Variants in KAZN observed in about 807,000 individuals in gnomAD.
KAZN encodes the protein kazrin.
KAZN carries 40 observed loss-of-function variants against 87.4 expected under a neutral mutation model. The observed-to-expected ratio is 0.46, with a 90% CI of 0.36 to 0.60. The LOEUF is 0.60. Among genes scored for constraint, KAZN ranks in the 20% least tolerant of loss-of-function variants. KAZN has a pLI of 0.00. For missense variants in KAZN, 898 were observed against 1,073.9 expected, an observed-to-expected ratio of 0.84 and a Z score of 2.29; for synonymous variants, 466 against 458.3, an observed-to-expected ratio of 1.02 and a Z score of -0.22.
intron 1 of KAZN, among the ~76,000 whole-genome samples, chr1:13,946,256 A>C (rs1400432269): frequency 3.3e-5 from 5 of 152,184 alleles, no homozygotes; most frequent in African/African-American, 1.2e-4. Flanking sequence ...GAAACATCAC[A>C]CAGCTGCCTT....
intron 2 of KAZN, among the ~76,000 whole-genome samples, chr1:14,385,807 G>C (rs1661827260): frequency 1.3e-5 from 2 of 149,684 alleles, no homozygotes; most frequent in Non-Finnish European, 3.0e-5. Flanking sequence ...GGGGTGGAGA[G>C]TTCTGTAGAT....
In KAZN at chr1:14,771,783, G is replaced by T. The variant is rs1036999426; in HGVS notation, c.226+172560G>T. Among the ~76,000 whole-genome samples the T allele has an allele frequency of 2.0e-5, 3 of 152,182 alleles. No individual in the cohort carries two copies. In the South Asian group the frequency reaches 6.2e-4, roughly 32 times the overall value. On this transcript the variant is annotated intron_variant, in intron 1 of 14. Coordinates refer to ENST00000376030, the MANE Select transcript of KAZN (RefSeq NM_201628.3). ...GGAGGTTGCAGTGAGCCAAGACCGTGCCATTGCACTCCAGCCTGGGTGACA... is the reference window on the plus strand; with the variant it reads ...GGAGGTTGCAGTGAGCCAAGACCGTTCCATTGCACTCCAGCCTGGGTGACA...
intron 2 of KAZN, among the ~76,000 whole-genome samples, chr1:15,014,930 G>A (rs1434280748): frequency 6.6e-6 from 1 of 152,090 alleles, no homozygotes; most frequent in African/African-American, 2.4e-5. Context: ...CTTCTCTACT[G>A]TGGGACCTTG....
rs1205017791 is a variant in KAZN at position 13,981,089 on chromosome 1, T to TTATATATATATA, written c.91+87343_91+87354dup. On this transcript the variant is annotated intron_variant, in intron 1 of 16. Coordinates refer to the KAZN transcript ENST00000636203. Reference sequence around the variant, plus strand: ...TTGGAGAGGTATAAAAAATTACTCTTTATATATATATATATATATATGTAT... The same window carrying TTATATATATATA: ...TTGGAGAGGTATAAAAAATTACTCTTTATATATATATATATATATATATATATATATATGTAT... Among the ~76,000 whole-genome samples, 71 of 63,042 alleles carry TTATATATATATA rather than the reference T, an allele frequency of 1.1e-3. 1 individual carries two copies. Among genetic ancestry groups the TTATATATATATA allele is most frequent in the African/African-American group, 1.8e-3 (31 of 17,186 alleles). The allele number at this position is 63,042 out of a possible 152,430, so 41.4% of individuals were successfully genotyped here. A position where few individuals can be genotyped will look rare whatever the true frequency, so the allele number is the denominator to read the frequency against.
chr1:14,803,420 G>A (rs1445701400), intron 1 of KAZN, among the ~76,000 whole-genome samples: 11 of 152,200 alleles, frequency 7.2e-5, no homozygotes. Context: ...CAGGCATCGA[G>A]GTCCCTGGAA....
At chr1:14,550,227 A>G (rs572789265) in intron 2 of KAZN, among the ~76,000 whole-genome samples, 1 of 152,348 alleles carries the variant, frequency 6.6e-6, no homozygotes, top group South Asian at 2.1e-4. Context: ...TGAAATTTAC[A>G]TTTAATGGGA....
chr1:14,843,723 A>G (rs186120357), intron 1 of KAZN, among the ~76,000 whole-genome samples: 42 of 152,272 alleles, frequency 2.8e-4, no homozygotes, highest in African/African-American at 9.6e-4. Flanking sequence ...TCATCCCACT[A>G]CCCTGACAGC....
chr1:13,985,397 TC>T (rs1309956028), intron 1 of KAZN, among the ~76,000 whole-genome samples: 15 of 151,576 alleles, frequency 9.9e-5, no homozygotes, highest in Non-Finnish European at 2.1e-4. Context: ...TGAGTTCATG[TC>T]CTTTGTAGGG....
At chr1:14,393,794 C>G (rs34557652) in intron 2 of KAZN, among the ~76,000 whole-genome samples, 8,550 of 149,190 alleles carry the variant, frequency 0.057, 278 homozygotes, top group Non-Finnish European at 0.079. Flanking sequence ...TTGCAGTAAG[C>G]CACTGCACTC....
chr1:14,973,148 A>G (rs1438643036), intron 2 of KAZN, among the ~76,000 whole-genome samples: 2 of 152,130 alleles, frequency 1.3e-5, no homozygotes, highest in Admixed American at 6.5e-5. Context: ...AGATCCATCA[A>G]TGCTGCACCG....
intron 1 of KAZN, among the ~76,000 whole-genome samples, chr1:14,021,469 C>G (rs115735048): frequency 0.011 from 1,661 of 152,274 alleles, 27 homozygotes; most frequent in African/African-American, 0.037. Context: ...TGACTTAAAG[C>G]AGTAATACTC....
chr1:14,450,296 A>G (rs572190201), intron 2 of KAZN, among the ~76,000 whole-genome samples: 1 of 152,326 alleles, frequency 6.6e-6, no homozygotes, highest in Admixed American at 6.5e-5. Context: ...TGATATAAAC[A>G]GAGCTGCTGT....
chr1:14,178,960 T>C (rs1646139491), intron 1 of KAZN, among the ~76,000 whole-genome samples: 1 of 152,200 alleles, frequency 6.6e-6, no homozygotes, highest in Admixed American at 6.5e-5. Context: ...CTGGAGTCTC[T>C]AATGAATGTG....
intron 1 of KAZN, among the ~76,000 whole-genome samples, chr1:14,942,515 G>A (rs1661217475): frequency 6.6e-6 from 1 of 152,204 alleles, no homozygotes; most frequent in South Asian, 2.1e-4. Context: ...TTCAAGCTGC[G>A]CACTTTGATC....
intron 2 of KAZN, among the ~76,000 whole-genome samples, chr1:14,188,453 G>T (rs1308675968): frequency 6.6e-6 from 1 of 151,976 alleles, no homozygotes; most frequent in Non-Finnish European, 1.5e-5. Flanking sequence ...TTGCCTATTG[G>T]TGTCCACAGA....
At chr1:15,008,229 C>T (rs569802109) in intron 2 of KAZN, among the ~76,000 whole-genome samples, 6 of 152,252 alleles carry the variant, frequency 3.9e-5, no homozygotes, top group Non-Finnish European at 5.9e-5. Context: ...GTCCAGGCCT[C>T]GGCTGTAAGT....
intron 2 of KAZN, among the ~76,000 whole-genome samples, chr1:14,461,310 G>A (rs1000323139): frequency 1.3e-5 from 2 of 152,140 alleles, no homozygotes; most frequent in African/African-American, 2.4e-5. Context: ...GGGACCCAGT[G>A]AGAGATGATT....
At chr1:14,446,579 G>C (rs10803279) in intron 2 of KAZN, among the ~76,000 whole-genome samples, 60,607 of 152,034 alleles carry the variant, frequency 0.4, 12,877 homozygotes, top group Middle Eastern at 0.56. Context: ...AGGGTTGGCA[G>C]CGGTGGTGGT....
chr1:14,674,632 C>T (rs1640108599), intron 1 of KAZN, among the ~76,000 whole-genome samples: 1 of 152,194 alleles, frequency 6.6e-6, no homozygotes, highest in African/African-American at 2.4e-5. Flanking sequence ...ACCACTTGTC[C>T]TTGTTCACTC....
Sources: allele counts gnomAD v4.1 joint callset (sites outside exome capture counted in the v4.1 genomes callset), GRCh38; gene constraint gnomAD v4.1.1; transcripts MANE v1.5; gene names NCBI Gene and HGNC (gene_info 2026-07-23, HGNC 2026-07-21).